Variants in AKT3 observed in about 807,000 individuals in gnomAD.
The protein encoded by AKT3 is RAC-gamma serine/threonine-protein kinase.
AKT3 carries 15 observed loss-of-function variants against 65.3 expected under a neutral mutation model. The ratio of observed to expected loss-of-function variants is 0.23; its 90% CI spans 0.15 to 0.35. The LOEUF is 0.35. Among genes scored for constraint, AKT3 ranks in the 10% least tolerant of loss-of-function variants. The pLI, the probability that AKT3 is intolerant of heterozygous loss-of-function variation, is 1.00. For missense variants in AKT3, 243 were observed against 576.5 expected, an observed-to-expected ratio of 0.42 and a Z score of 5.92; for synonymous variants, 206 against 183.8, an observed-to-expected ratio of 1.12 and a Z score of -0.98.
intron 2 of AKT3, among the ~76,000 whole-genome samples, chr1:243,774,021 G>T (rs1270156176): frequency 6.6e-6 from 1 of 152,080 alleles, no homozygotes; most frequent in Non-Finnish European, 1.5e-5. Flanking sequence ...AGGATCTATG[G>T]ATGGTGACCA....
At chr1:243,512,572 G>C in intron 12 of AKT3, 146 bp from the exon 13 acceptor site, 1 of 579,564 alleles carries the variant, frequency 1.7e-6, no homozygotes, top group Non-Finnish European at 3.0e-6. Context: ...CATGATATTT[G>C]GCTTCCCAGT....
intron 2 of AKT3, among the ~76,000 whole-genome samples, chr1:243,753,414 T>TA (rs1448350569): frequency 2.0e-5 from 3 of 152,116 alleles, no homozygotes; most frequent in African/African-American, 7.2e-5. Flanking sequence ...CCCTTTCCCC[T>TA]AAACATAGTT....
chr1:243,546,502 T>C (rs1473565727), intron 11 of AKT3: 1 of 152,220 alleles, frequency 6.6e-6, no homozygotes, highest in East Asian at 1.9e-4. Flanking sequence ...TAGTAGGCTT[T>C]ATTTGGACTT....
intron 12 of AKT3, among the ~76,000 whole-genome samples, chr1:243,536,673 A>AATC (rs1397738556): frequency 1.3e-4 from 20 of 152,140 alleles, no homozygotes; most frequent in African/African-American, 4.6e-4. Flanking sequence ...ACCCAATTTG[A>AATC]AGGCTTTTAA....
chr1:243,807,467 G>A (rs796511990), intron 2 of AKT3, among the ~76,000 whole-genome samples: 45 of 150,228 alleles, frequency 3.0e-4, no homozygotes, highest in South Asian at 4.2e-4. Flanking sequence ...AAACTGCAAC[G>A]CGGCAGCAAG....
downstream of AKT3, among the ~76,000 whole-genome samples, chr1:243,498,664 T>C (rs148189124): frequency 8.0e-4 from 122 of 152,378 alleles, 1 homozygote; most frequent in African/African-American, 2.7e-3. Flanking sequence ...AGGCTGATGT[T>C]CATATATTTC....
At chr1:243,700,060 T>C (rs993042765) in intron 2 of AKT3, among the ~76,000 whole-genome samples, 5 of 152,108 alleles carry the variant, frequency 3.3e-5, no homozygotes, top group Non-Finnish European at 5.9e-5. Context: ...AATAAATTTC[T>C]GTTGTTTTAT....
chr1:243,492,434 T>G (rs1349102387), intron 13 of AKT3, among the ~76,000 whole-genome samples: 1 of 149,076 alleles, frequency 6.7e-6, no homozygotes, highest in African/African-American at 2.5e-5. Context: ...CCCAAGTAGC[T>G]GGGATTACAG....
chr1:243,734,854 T>C (rs1687756296), intron 2 of AKT3: 1 of 152,232 alleles, frequency 6.6e-6, no homozygotes, highest in Non-Finnish European at 1.5e-5. Context: ...TGTACAAAAG[T>C]ATTTTCTTTA....
At chr1:243,727,605 T>G (rs906468470) in intron 2 of AKT3, among the ~76,000 whole-genome samples, 1 of 152,162 alleles carries the variant, frequency 6.6e-6, no homozygotes, top group African/African-American at 2.4e-5. Context: ...TTATAAGGAC[T>G]CTTACTCTTC....
At chr1:243,764,041 T>C (rs957536684) in intron 2 of AKT3, among the ~76,000 whole-genome samples, 2 of 152,090 alleles carry the variant, frequency 1.3e-5, no homozygotes, top group African/African-American at 2.4e-5. Context: ...TCACTGCCGA[T>C]ATTTCTGAAT....
chr1:243,719,607 GT>G (rs1686747586), intron 2 of AKT3, among the ~76,000 whole-genome samples: 1 of 152,038 alleles, frequency 6.6e-6, no homozygotes, highest in African/African-American at 2.4e-5. Flanking sequence ...TACAATGAAA[GT>G]TTTGTTTCTG....
At chr1:243,778,150 T>C (rs1690676291) in intron 2 of AKT3, among the ~76,000 whole-genome samples, 1 of 152,166 alleles carries the variant, frequency 6.6e-6, no homozygotes, top group African/African-American at 2.4e-5. Context: ...CTATAAGCTG[T>C]TTGAGGCAGG....
At chr1:243,531,945 C>G (rs1439251454) in intron 12 of AKT3, among the ~76,000 whole-genome samples, 1 of 152,108 alleles carries the variant, frequency 6.6e-6, no homozygotes, top group Non-Finnish European at 1.5e-5. Context: ...AATGTATTTT[C>G]TAGCTTGCTT....
chr1:243,567,206 G>A (rs1046250320), intron 9 of AKT3, among the ~76,000 whole-genome samples: 11 of 152,168 alleles, frequency 7.2e-5, no homozygotes, highest in Non-Finnish European at 1.5e-4. Flanking sequence ...ACTTGAGCCC[G>A]AGGTGTGTGG....
At chr1:243,806,525 C>A (rs1332210155) in intron 2 of AKT3, among the ~76,000 whole-genome samples, 5 of 152,260 alleles carry the variant, frequency 3.3e-5, no homozygotes, top group South Asian at 2.1e-4. Context: ...GGTTTCCTGC[C>A]ACAAATATAC....
chr1:243,845,094 C>T (rs1490815169), intron 1 of AKT3, among the ~76,000 whole-genome samples: 2 of 152,108 alleles, frequency 1.3e-5, no homozygotes, highest in African/African-American at 2.4e-5. Flanking sequence ...CCCAACCTAG[C>T]GCTAAATTAG....
At chr1:243,757,936 T>A (rs1689241136) in intron 2 of AKT3, among the ~76,000 whole-genome samples, 4 of 152,224 alleles carry the variant, frequency 2.6e-5, no homozygotes, top group Admixed American at 2.6e-4. Context: ...AATTTTTTTG[T>A]ATTTTCAGTA....
intron 7 of AKT3, among the ~76,000 whole-genome samples, chr1:243,614,376 T>C (rs1678133750): frequency 6.6e-6 from 1 of 152,328 alleles, no homozygotes; most frequent in Non-Finnish European, 1.5e-5. Context: ...GGTTCCACTT[T>C]GGAAAGTCTA....
Sources: gnomAD v4.1 joint callset for allele counts (sites outside exome capture counted in the v4.1 genomes callset) on GRCh38, gnomAD v4.1.1 for gene constraint, MANE v1.5 for transcripts, NCBI Gene and HGNC (gene_info 2026-07-23, HGNC 2026-07-21) for gene names.